STK31: variants seen among roughly 807,000 people sequenced by gnomAD.
STK31 encodes the protein serine/threonine-protein kinase 31.
A neutral mutation model predicts 129.7 loss-of-function variants in STK31; 89 were observed. The observed-to-expected ratio is 0.69, with a 90% CI of 0.58 to 0.82. The LOEUF (loss-of-function observed/expected upper bound fraction) is 0.82, where lower values mean the gene tolerates loss of function less well. Ranked by LOEUF, STK31 falls within the 40% of genes least tolerant of loss-of-function variation. STK31 has a pLI of 0.00. For synonymous variants in STK31, 448 were observed against 395.3 expected, an observed-to-expected ratio of 1.13 and a Z score of -1.58; for missense variants, 1,187 against 1,176.4, an observed-to-expected ratio of 1.01 and a Z score of -0.13.
chr7:23,762,424 GT>G, intron 10 of STK31, among the ~76,000 whole-genome samples: 1 of 152,176 alleles, frequency 6.6e-6, no homozygotes, highest in East Asian at 1.9e-4. Context: ...AAATTGGAGG[GT>G]TTATCCTGGT....
rs548382475 is a variant in STK31, at chr7:23,752,606, G to A, written c.1018-111G>A. ...TCTGTCCTCCTTGGCCTCCCAAAGT[G>A]TTGGAATTACAGGCATGAGCCACTG... is the stretch of plus-strand genomic sequence containing the variant. On this transcript the variant is annotated intron_variant, in intron 8 of 23. Transcript: ENST00000355870. 9.4e-6 allele frequency: 7 copies of A among 742,884 alleles called. No homozygotes were observed. In the African/African-American group the frequency reaches 1.1e-4, roughly 11 times the overall value. 46.0% of individuals were successfully genotyped at this position (742,884 alleles called of 1,614,324 possible).
rs1227408327 is a variant in STK31 at position 23,814,666 on chromosome 7, C to A, written c.2761-478C>A. Among the ~76,000 whole-genome samples, 4 of 151,910 alleles carry A rather than the reference C, an allele frequency of 2.6e-5. No individual in the cohort carries two copies. In the East Asian group the frequency reaches 7.8e-4, roughly 29 times the overall value. On this transcript the variant is annotated intron_variant, in intron 22 of 23. Coordinates refer to ENST00000355870, the MANE Select transcript of STK31 (RefSeq NM_031414.5). ...GGATGAATATGTGGGACTCAGAATA[C>A]CTTTGTGTATGTAAAAAATTCTCCA...
At chr7:23,796,114 C>A (rs932638439) in intron 22 of STK31, among the ~76,000 whole-genome samples, 6 of 152,298 alleles carry the variant, frequency 3.9e-5, no homozygotes, top group Admixed American at 2.6e-4. Context: ...TGTCCCCACC[C>A]AAATCTCACC....
chr7:23,789,731 G>T (rs1433891176), intron 21 of STK31, among the ~76,000 whole-genome samples: 5 of 151,794 alleles, frequency 3.3e-5, no homozygotes, highest in African/African-American at 9.7e-5. Flanking sequence ...AACCTTCAGG[G>T]GTTCTGGTTA....
intron 23 of STK31, among the ~76,000 whole-genome samples, chr7:23,830,102 A>C (rs1194912276): frequency 6.6e-6 from 1 of 152,140 alleles, no homozygotes; most frequent in Non-Finnish European, 1.5e-5. Flanking sequence ...GGCGCCCGCC[A>C]CAACGCCTAG....
At chr7:23,749,316 G>T in intron 8 of STK31, among the ~76,000 whole-genome samples, 1 of 148,608 alleles carries the variant, frequency 6.7e-6, no homozygotes. Context: ...AGTATGCCTT[G>T]TAATTTTTTC....
intron 9 of STK31, among the ~76,000 whole-genome samples, 182 bp downstream of exon 9, chr7:23,753,014 A>G (rs73080985): frequency 0.016 from 2,404 of 152,270 alleles, 33 homozygotes; most frequent in African/African-American, 0.04. Flanking sequence ...TCAGGTTTCT[A>G]CTGTCACTGC....
chr7:23,716,211 T>C (rs938227998), intron 3 of STK31, among the ~76,000 whole-genome samples: 9 of 152,148 alleles, frequency 5.9e-5, no homozygotes, highest in Non-Finnish European at 8.8e-5. Flanking sequence ...TGATGAATAT[T>C]AGTTATTTTG....
intron 22 of STK31, among the ~76,000 whole-genome samples, chr7:23,802,487 C>T (rs776914041): frequency 1.3e-5 from 2 of 152,046 alleles, no homozygotes; most frequent in South Asian, 2.1e-4. Context: ...AGCACGGAGA[C>T]GTTTGAGGGG....
At chr7:23,777,818 G>T (rs1163758336) in intron 15 of STK31, among the ~76,000 whole-genome samples, 1 of 152,026 alleles carries the variant, frequency 6.6e-6, no homozygotes, top group Admixed American at 6.5e-5. Context: ...TTTAATTGGG[G>T]CATTTCACCT....
chr7:23,814,588 G>A (rs955379645), intron 22 of STK31, among the ~76,000 whole-genome samples: 2 of 152,042 alleles, frequency 1.3e-5, no homozygotes, highest in Admixed American at 1.3e-4. Context: ...TAATATATAT[G>A]CGTTTGTTCA....
At position 23,769,179 on chromosome 7, in the gene STK31, T is replaced by A. The variant is rs770117227; in HGVS notation, c.1596+5T>A. 6.5e-7 allele frequency: 1 copy of A among 1,543,602 alleles called. No homozygotes were observed. Among genetic ancestry groups the A allele is most frequent in the Non-Finnish European group, 8.7e-7 (1 of 1,150,190 alleles). ...TGGTTCCAAAGAACCTTAAAGGTAA[T>A]AAAAGCTCCTGCCCGGTTGTGTTTG... On this transcript the variant is annotated splice_donor_5th_base_variant and intron_variant, in intron 12 of 23. Coordinates refer to ENST00000355870, the MANE Select transcript of STK31 (RefSeq NM_031414.5).
intron 11 of STK31, among the ~76,000 whole-genome samples, chr7:23,763,632 G>A (rs545151339): frequency 6.6e-6 from 1 of 151,812 alleles, no homozygotes; most frequent in Non-Finnish European, 1.5e-5. Flanking sequence ...AGTTTTGATT[G>A]AATAGAGGAA....
intron 11 of STK31, among the ~76,000 whole-genome samples, chr7:23,768,597 T>A (rs1052507137): frequency 6.6e-6 from 1 of 152,094 alleles, no homozygotes; most frequent in African/African-American, 2.4e-5. Flanking sequence ...AGAAATTACT[T>A]AATGGGTTCA....
chr7:23,743,802 TG>T (rs1158433843), intron 8 of STK31, among the ~76,000 whole-genome samples: 2 of 152,084 alleles, frequency 1.3e-5, no homozygotes, highest in Admixed American at 6.6e-5. Flanking sequence ...TCATATGTCT[TG>T]TAGGCTTTTT....
At chr7:23,747,221 T>A (rs1788411456) in intron 8 of STK31, among the ~76,000 whole-genome samples, 1 of 152,194 alleles carries the variant, frequency 6.6e-6, no homozygotes, top group African/African-American at 2.4e-5. Context: ...CTGCTTCTAT[T>A]CAATGACTGA....
At chr7:23,743,707 T>G (rs1369116383) in intron 8 of STK31, among the ~76,000 whole-genome samples, 2 of 152,178 alleles carry the variant, frequency 1.3e-5, no homozygotes, top group African/African-American at 4.8e-5. Flanking sequence ...TCAGCTATTT[T>G]ATTAAATATA....
chr7:23,756,879 G>A (rs916123293), intron 10 of STK31, among the ~76,000 whole-genome samples: 1 of 152,126 alleles, frequency 6.6e-6, no homozygotes, highest in Admixed American at 6.5e-5. Context: ...ATGTGCTGCG[G>A]GATTCGGTTT....
chr7:23,826,109 T>C (rs1319004750), intron 23 of STK31, among the ~76,000 whole-genome samples: 5 of 152,052 alleles, frequency 3.3e-5, no homozygotes, highest in African/African-American at 7.2e-5. Context: ...AGATGTCTAT[T>C]AGGTCCTCTT....
Sources: gnomAD v4.1 joint callset for allele counts (sites outside exome capture counted in the v4.1 genomes callset) on GRCh38, gnomAD v4.1.1 for gene constraint, MANE v1.5 for transcripts, NCBI Gene and HGNC (gene_info 2026-07-23, HGNC 2026-07-21) for gene names.